The following CNTROB variants were observed in gnomAD, a reference collection of about 807,000 sequenced individuals.
CNTROB encodes the protein centrobin.
In CNTROB, 82 loss-of-function variants were observed where a neutral mutation model predicts 115.7. The observed-to-expected ratio is 0.71, with a 90% CI of 0.59 to 0.85. The LOEUF (loss-of-function observed/expected upper bound fraction) is 0.85. Among genes scored for constraint, CNTROB ranks in the 40% least tolerant of loss-of-function variants. The probability of loss-of-function intolerance (pLI) is 0.00; values close to 1 mark genes in which losing one functional copy is unlikely to be tolerated. For synonymous variants in CNTROB, 439 were observed against 456.4 expected (o/e 0.96, Z 0.49); for missense variants, 1,014 against 1,144.4 (o/e 0.89, Z 1.64).
chr17:7,942,414 G>C (rs1973982419), intron 9 of CNTROB, among the ~76,000 whole-genome samples: 1 of 151,812 alleles, frequency 6.6e-6, no homozygotes, highest in South Asian at 2.1e-4. Flanking sequence ...TGGCTAACAC[G>C]GTGAAACCCC....
Position 7,935,076 on chromosome 17 carries a change from G to A in CNTROB, c.525G>A (p.Gly175=). ...CCCGCTACACCAGCCTTCGGCCAGGGCCTCCACTCAATCCCCCAGATTTTC... is the reference window on the plus strand; with the variant it reads ...CCCGCTACACCAGCCTTCGGCCAGGACCTCCACTCAATCCCCCAGATTTTC... ...LFPRYTSLRP[G]PPLNPPDFQG... Residue 175 remains glycine, a synonymous_variant, in exon 4 of 19, where the codon GGG becomes GGA. Transcript: ENST00000563694. The A allele has an allele frequency of 6.2e-7, 1 of 1,614,098 alleles. No homozygotes were observed. The highest frequency in any genetic ancestry group is 1.1e-5 in the South Asian group (1 of 91,070).
rs775644080 is a variant in CNTROB, at chr17:7,935,026, G to A, written c.475G>A (p.Ala159Thr). The A allele has an allele frequency of 6.2e-7, 1 of 1,613,490 alleles. No homozygotes were observed. The highest frequency in any genetic ancestry group is 1.7e-5 in the Admixed American group (1 of 59,966). The change falls in exon 4 of 19, where the codon GCC becomes ACC. Residue 159 changes from alanine to threonine, a missense_variant. Ala to Thr is a moderately conservative substitution (Grantham distance 58, BLOSUM62 0). Coordinates refer to ENST00000563694, the MANE Select transcript of CNTROB (RefSeq NM_053051.5). ...PLQDLSPSSSAQALEELFPRY... is the reference protein window; with the variant it reads ...PLQDLSPSSSTQALEELFPRY... Reference sequence around the variant, plus strand: ...GCAAGACTTGTCTCCATCTAGCTCAGCCCAAGCCCTGGAGGAGCTGTTTCC... The same window carrying A: ...GCAAGACTTGTCTCCATCTAGCTCAACCCAAGCCCTGGAGGAGCTGTTTCC...
In CNTROB at chr17:7,933,230, A is replaced by G; in HGVS notation, c.151A>G (p.Thr51Ala). ...SLRLSRQAEA[T>A]ARAQLYLPST... ...GCGCCTCAGCCGGCAGGCGGAGGCC[A>G]CGGCCCGAGCCCAGCTGTATTTACC... Residue 51 changes from threonine to alanine, a missense_variant, in exon 1 of 19, where the codon ACG (threonine) becomes GCG (alanine). Transcript: ENST00000563694. 1 of 1,614,216 alleles carries G rather than the reference A, an allele frequency of 6.2e-7. No homozygotes were observed. The highest frequency in any genetic ancestry group is 1.1e-5 in the South Asian group (1 of 91,088).
In CNTROB at chr17:7,948,567, G is replaced by C. The variant is rs758550892; in HGVS notation, c.2461G>C (p.Ala821Pro). 4.2e-5 allele frequency: 68 copies of C among 1,614,078 alleles called. No individual in the cohort carries two copies. Among genetic ancestry groups the C allele is most frequent in the Non-Finnish European group, 5.5e-5 (65 of 1,180,028 alleles). Residue 821 changes from alanine (A) to proline (P), a missense_variant, in exon 17 of 19, where the codon GCT (alanine) becomes CCT (proline). Physicochemically the swap from Ala to Pro is conservative, Grantham distance 27. Transcript: ENST00000563694. The surrounding 1 kb of genome is among the most constrained non-coding windows in gnomAD (Gnocchi z 4.4). ...LRLYQARGWG[A>P]LPAEDLLLYL... ...ACTCTACCAGGCTCGGGGCTGGGGG[G>C]CTCTGCCTGCTGAGGATCTCCTGCT...
In CNTROB at chr17:7,933,191, C is replaced by A. The variant is rs753404207; in HGVS notation, c.112C>A (p.Leu38Ile). The A allele has an allele frequency of 2.5e-6, 4 of 1,614,140 alleles. No individual in the cohort carries two copies. In the Admixed American group the frequency reaches 5.0e-5, roughly 20 times the overall value. Reference protein sequence around the residue: ...NQVSSEVTSQLYASLRLSRQA... With the variant: ...NQVSSEVTSQIYASLRLSRQA... ...AGTGTCGTCTGAAGTGACCTCCCAGCTCTATGCTTCTTTGCGCCTCAGCCG... is the reference window on the plus strand; with the variant it reads ...AGTGTCGTCTGAAGTGACCTCCCAGATCTATGCTTCTTTGCGCCTCAGCCG... Residue 38 changes from leucine to isoleucine, a missense_variant, in exon 1 of 19, where the codon CTC becomes ATC. Transcript: ENST00000563694.
chr17:7,937,380 C>A, intron 7 of CNTROB, 118 bp downstream of exon 7: 5 of 1,191,620 alleles, frequency 4.2e-6, no homozygotes, highest in East Asian at 2.5e-5. Flanking sequence ...CACTGTTTCC[C>A]AAAGTGTGTT....
Position 7,943,632 on chromosome 17 carries a change from C to A in CNTROB, c.1445+108C>A. 8.2e-7 allele frequency: 1 copy of A among 1,226,434 alleles called. No homozygotes were observed. Among genetic ancestry groups the A allele is most frequent in the Non-Finnish European group, 1.1e-6 (1 of 900,674 alleles). 76.0% of individuals were successfully genotyped at this position (1,226,434 alleles called of 1,614,324 possible). ...TGCCATGGTCCAGCACTGTGACTCC[C>A]AGGGTGCGCTAACTCCCATCAGCTG... is the stretch of plus-strand genomic sequence containing the variant. On this transcript the variant is annotated intron_variant, in intron 10 of 18. Coordinates refer to ENST00000563694, the MANE Select transcript of CNTROB (RefSeq NM_053051.5). This position sits in a 1 kb window ranked among gnomAD's most constrained non-coding sequence, Gnocchi z 4.7.
In CNTROB at chr17:7,947,672, C is replaced by G. The variant is rs760140158; in HGVS notation, c.2095C>G (p.Gln699Glu). The change falls in exon 14 of 19, where the codon CAA (glutamine) becomes GAA (glutamate). Residue 699 changes from glutamine (Q) to glutamate (E), a missense_variant. Gln to Glu is a conservative substitution (Grantham distance 29). Transcript: ENST00000563694. ...ACCTGACGGGGAGGGCCTCCTAAAG[C>G]AAGGGCTGCCGCCTGCTCAGCTGGA... is the stretch of plus-strand genomic sequence containing the variant. ...PGPDGEGLLK[Q>E]GLPPAQLEGL... is the part of the protein sequence containing the mutation. 2.1e-5 allele frequency: 34 copies of G among 1,613,804 alleles called. No individual in the cohort carries two copies. The highest frequency in any genetic ancestry group is 8.5e-7 in the Non-Finnish European group (1 of 1,179,804).
chr17:7,936,491 G>C lies in CNTROB; in HGVS notation c.711+9G>C. ...TTGAACAACTGGACAAGGTACCAGG[G>C]TAGCAAAATGTGGGTGGGTCTCTCC... On this transcript the variant is annotated intron_variant, in intron 5 of 18. Transcript: ENST00000563694. 9.2e-7 allele frequency: 1 copy of C among 1,092,296 alleles called. No homozygotes were observed. The highest frequency in any genetic ancestry group is 1.4e-6 in the Non-Finnish European group (1 of 703,302). 67.7% of individuals were successfully genotyped at this position (1,092,296 alleles called of 1,614,324 possible).
intron 5 of CNTROB, 21 bp from the exon 6 acceptor site, chr17:7,936,680 A>G: frequency 2.8e-6 from 3 of 1,081,906 alleles, no homozygotes; most frequent in Non-Finnish European, 4.3e-6. Context: ...TTGAAATTTC[A>G]TCTTACTTGC....
chr17:7,933,389 C>CAA lies in CNTROB; in HGVS notation c.270+41_270+42insAA, dbSNP rs761147345. On this transcript the variant is annotated intron_variant, in intron 1 of 18. Transcript: ENST00000563694. ...TCTTGGAGACCACTGTGGCACTAGA[C>CAA]ACCAGAGAGTCTTGGGATTGGGGTT... is the stretch of plus-strand genomic sequence containing the variant. 4.5e-6 allele frequency: 7 copies of CAA among 1,569,064 alleles called. No individual in the cohort carries two copies. In the Admixed American group the frequency reaches 1.3e-4, roughly 29 times the overall value.
chr17:7,945,775 G>A lies in CNTROB; in HGVS notation c.1782G>A (p.Lys594=). 1 of 1,614,212 alleles carries A rather than the reference G, an allele frequency of 6.2e-7. No individual in the cohort carries two copies. The highest frequency in any genetic ancestry group is 8.5e-7 in the Non-Finnish European group (1 of 1,180,016). ...PSSPGPQEPE[K]EERRVWTMPP... Reference sequence around the variant, plus strand: ...GCCCCGGGCCTCAGGAGCCCGAGAAGGAGGAGAGGAGGGTCTGGACTATGC... The same window carrying A: ...GCCCCGGGCCTCAGGAGCCCGAGAAAGAGGAGAGGAGGGTCTGGACTATGC... The change falls in exon 13 of 19, where the codon AAG becomes AAA. Residue 594 remains lysine (K), a synonymous_variant. Transcript: ENST00000563694.
Position 7,949,539 on chromosome 17 carries a change from TCTCATTGTTGTTATTTTAA to T in CNTROB, c.*30_*48del. On this transcript the variant is annotated 3_prime_UTR_variant, in exon 19 of 19. Transcript: ENST00000563694. ...CCCCTACCCTCTCTCCTCTTTGTTC[TCTCATTGTTGTTATTTTAA>T]TAAATGCTCATTAGTCTGTATCAGA... 6.3e-7 allele frequency: 1 copy of T among 1,575,698 alleles called. No individual in the cohort carries two copies. Among genetic ancestry groups the T allele is most frequent in the Non-Finnish European group, 8.6e-7 (1 of 1,162,552 alleles).
At position 7,944,446 on chromosome 17, in the gene CNTROB, C is replaced by T. The variant is rs373598374; in HGVS notation, c.1572-30C>T. 2 of 1,607,704 alleles carry T rather than the reference C, an allele frequency of 1.2e-6. No individual in the cohort carries two copies. Among genetic ancestry groups the T allele is most frequent in the African/African-American group, 2.7e-5 (2 of 74,808 alleles). ...CCCAAGTATCTGCTTCCTTAAAGGCCCTGAGTCACTTCTTCTCTCTTTGCT... is the reference window on the plus strand; with the variant it reads ...CCCAAGTATCTGCTTCCTTAAAGGCTCTGAGTCACTTCTTCTCTCTTTGCT... On this transcript the variant is annotated intron_variant, in intron 11 of 18. Coordinates refer to ENST00000563694, the MANE Select transcript of CNTROB (RefSeq NM_053051.5). This position sits in a 1 kb window ranked among gnomAD's most constrained non-coding sequence, Gnocchi z 4.0.
At position 7,948,408 on chromosome 17, in the gene CNTROB, T is replaced by A. The variant is rs951117173; in HGVS notation, c.2381-79T>A. Reference sequence around the variant, plus strand: ...CCAGTACAGGCACTTACAGTCCTTCTGAATTCCTGGGGAAATGGGCTGAGG... The same window carrying A: ...CCAGTACAGGCACTTACAGTCCTTCAGAATTCCTGGGGAAATGGGCTGAGG... On this transcript the variant is annotated intron_variant, in intron 16 of 18. Coordinates refer to ENST00000563694, the MANE Select transcript of CNTROB (RefSeq NM_053051.5). This position sits in a 1 kb window ranked among gnomAD's most constrained non-coding sequence, Gnocchi z 4.4. 1.2e-6 allele frequency: 2 copies of A among 1,608,638 alleles called. No individual in the cohort carries two copies. Among genetic ancestry groups the A allele is most frequent in the African/African-American group, 2.7e-5 (2 of 74,816 alleles).
chr17:7,939,823 G>C lies in CNTROB; in HGVS notation c.1164+74G>C. On this transcript the variant is annotated intron_variant, in intron 8 of 18. Coordinates refer to ENST00000563694, the MANE Select transcript of CNTROB (RefSeq NM_053051.5). This position sits in a 1 kb window ranked among gnomAD's most constrained non-coding sequence, Gnocchi z 4.4. ...GCAAAATAATTGAATGGGATGGAAT[G>C]TTAGAATATGGGGGATACATATAGG... is the stretch of plus-strand genomic sequence containing the variant. 2.2e-6 allele frequency: 3 copies of C among 1,379,716 alleles called. No homozygotes were observed. The highest frequency in any genetic ancestry group is 2.4e-5 in the South Asian group (2 of 84,050). 85.5% of individuals were successfully genotyped at this position (1,379,716 alleles called of 1,614,324 possible). A position where few individuals can be genotyped will look rare whatever the true frequency, so the allele number is the denominator to read the frequency against.
rs747942442 is a variant in CNTROB at position 7,934,996 on chromosome 17, C to T, written c.445C>T (p.Pro149Ser). ...DSTATLLNTR[P>S]LQDLSPSSSA... ...TCTACCTGATTTGCTCAGCACCCGG[C>T]CCCTGCAAGACTTGTCTCCATCTAG... Residue 149 changes from proline (P) to serine (S), a missense_variant, in exon 4 of 19, where the codon CCC becomes TCC. Physicochemically the swap from Pro to Ser is moderately conservative, Grantham distance 74 (BLOSUM62 -1). Transcript: ENST00000563694. The T allele has an allele frequency of 5.6e-6, 9 of 1,593,150 alleles. No individual in the cohort carries two copies. In the East Asian group the frequency reaches 1.1e-4, roughly 20 times the overall value.
At chr17:7,947,176 A>AAAAGAG (rs1567936954) in intron 13 of CNTROB, among the ~76,000 whole-genome samples, 1 of 148,634 alleles carries the variant, frequency 6.7e-6, no homozygotes, top group African/African-American at 2.5e-5. Context: ...AAAAAAAAAA[A>AAAAGAG]AGAGAGATTA....
chr17:7,945,980 T>G lies in CNTROB; in HGVS notation c.1987T>G (p.Ser663Ala), dbSNP rs1219944493. ...PLEPKPDLTS[S>A]TAGAFSALGA... ...GGAGCCCAAACCAGACCTCACTTCA[T>G]CCACAGGTAACTGGGGGCAGAAGTC... The change falls in exon 13 of 19, where the codon TCC becomes GCC. Residue 663 changes from serine (S) to alanine (A), a missense_variant. Physicochemically the swap from Ser to Ala is moderately conservative, Grantham distance 99 (BLOSUM62 1). Transcript: ENST00000563694. 6.2e-7 allele frequency: 1 copy of G among 1,614,030 alleles called. No homozygotes were observed. Among genetic ancestry groups the G allele is most frequent in the Non-Finnish European group, 8.5e-7 (1 of 1,179,918 alleles).
Sources: gnomAD v4.1 joint callset for allele counts (sites outside exome capture counted in the v4.1 genomes callset) on GRCh38, gnomAD v4.1.1 for gene constraint, Gnocchi (gnomAD v3.1) non-coding constraint, MANE v1.5 for transcripts, NCBI Gene and HGNC (gene_info 2026-07-23, HGNC 2026-07-21) for gene names.